Variants in CNTNAP2 observed in about 807,000 individuals in gnomAD.
The protein encoded by CNTNAP2 is contactin associated protein 2.
In CNTNAP2, 98 loss-of-function variants were observed where a neutral mutation model predicts 155.2. The ratio of observed to expected loss-of-function variants is 0.63; its 90% CI spans 0.54 to 0.75. The LOEUF (loss-of-function observed/expected upper bound fraction) is 0.75, where lower values mean the gene tolerates loss of function less well. Ranked by LOEUF, CNTNAP2 falls within the 30% of genes least tolerant of loss-of-function variation. The pLI, the probability that CNTNAP2 is intolerant of heterozygous loss-of-function variation, is 0.00. For missense variants in CNTNAP2, 1,727 were observed against 1,688.1 expected, an observed-to-expected ratio of 1.02 and a Z score of -0.40; for synonymous variants, 651 against 631.2, an observed-to-expected ratio of 1.03 and a Z score of -0.47.
intron 10 of CNTNAP2, among the ~76,000 whole-genome samples, chr7:147,450,764 A>G (rs1405840005): frequency 1.3e-5 from 2 of 152,194 alleles, no homozygotes; most frequent in Non-Finnish European, 2.9e-5. Flanking sequence ...TTCTTATCCT[A>G]CCAAAATTTT....
chr7:146,184,206 A>G (rs1360821226), intron 1 of CNTNAP2, among the ~76,000 whole-genome samples: 1 of 152,214 alleles, frequency 6.6e-6, no homozygotes, highest in Non-Finnish European at 1.5e-5. Context: ...TGCAACTCTC[A>G]TAGTATCTAA....
intron 14 of CNTNAP2, among the ~76,000 whole-genome samples, chr7:147,933,494 GAGATAGATAGAT>G (rs71183037): frequency 0.011 from 1,375 of 120,716 alleles, 11 homozygotes; most frequent in South Asian, 0.046. Context: ...CAGAAAATGT[GAGATAGATAGAT>G]AGATAGATAG....
chr7:148,268,058 TA>T (rs1218446156), intron 21 of CNTNAP2, among the ~76,000 whole-genome samples: 2 of 152,154 alleles, frequency 1.3e-5, no homozygotes, highest in East Asian at 3.9e-4. Context: ...TGTGCAAAGC[TA>T]AAAAATGTAC....
At position 146,957,133 on chromosome 7, in the gene CNTNAP2, C is replaced by T. The variant is rs191861179; in HGVS notation, c.403-86774C>T. On this transcript the variant is annotated intron_variant, in intron 3 of 23. Transcript: ENST00000361727. The stretch of plus-strand genomic sequence containing the variant: ...TTAAACAGACCTAGATGGTATAGCC[C>T]CCTACACACTTAGACTATATGGTAT... Among the ~76,000 whole-genome samples, 365 of 152,094 alleles carry T rather than the reference C, an allele frequency of 2.4e-3. 1 individual carries two copies. Among genetic ancestry groups the T allele is most frequent in the African/African-American group, 8.2e-3 (342 of 41,464 alleles).
At position 146,933,197 on chromosome 7, in the gene CNTNAP2, G is replaced by T. The variant is rs550281662; in HGVS notation, c.402+93293G>T. ...ACCTGACTTCAAAGTATACTATAAG[G>T]CTACAGTAACCAAAACAGCATGGTA... On this transcript the variant is annotated intron_variant, in intron 3 of 23. Coordinates refer to ENST00000361727, the MANE Select transcript of CNTNAP2 (RefSeq NM_014141.6). Among the ~76,000 whole-genome samples, 86 of 151,802 alleles carry T rather than the reference G, an allele frequency of 5.7e-4. 3 individuals are homozygous for T. Among genetic ancestry groups the T allele is most frequent in the African/African-American group, 2.0e-3 (81 of 41,218 alleles).
chr7:146,582,232 T>C (rs910036709), intron 1 of CNTNAP2, among the ~76,000 whole-genome samples: 3 of 152,104 alleles, frequency 2.0e-5, no homozygotes, highest in Admixed American at 2.0e-4. Flanking sequence ...GGCTTTGAGA[T>C]TATATTTTCA....
At chr7:148,204,242 C>T (rs988836129) in intron 18 of CNTNAP2, among the ~76,000 whole-genome samples, 7 of 152,086 alleles carry the variant, frequency 4.6e-5, no homozygotes, top group Middle Eastern at 3.2e-3. Context: ...GGCTTGAGGA[C>T]GGTTTGTGTT....
At chr7:147,415,248 TCCA>T (rs1177669284) in intron 10 of CNTNAP2, among the ~76,000 whole-genome samples, 2 of 152,160 alleles carry the variant, frequency 1.3e-5, no homozygotes, top group African/African-American at 4.8e-5. Flanking sequence ...TGCCCTGCCT[TCCA>T]CTTAATTTGA....
intron 1 of CNTNAP2, among the ~76,000 whole-genome samples, chr7:146,599,986 C>T (rs1798925531): frequency 6.6e-6 from 1 of 151,970 alleles, no homozygotes; most frequent in Non-Finnish European, 1.5e-5. Context: ...ACATGTTTCT[C>T]TGGGGAGTGA....
chr7:146,608,336 A>G (rs189118191), intron 1 of CNTNAP2, among the ~76,000 whole-genome samples: 1 of 152,320 alleles, frequency 6.6e-6, no homozygotes, highest in African/African-American at 2.4e-5. Flanking sequence ...TGTTAATTCA[A>G]TATTTGTTGA....
intron 1 of CNTNAP2, among the ~76,000 whole-genome samples, chr7:146,421,981 C>T (rs917464882): frequency 6.6e-6 from 1 of 151,734 alleles, no homozygotes; most frequent in African/African-American, 2.4e-5. Context: ...TATATTAGCA[C>T]ACAGAAGTCT....
chr7:146,586,761 G>A (rs1798698612), intron 1 of CNTNAP2, among the ~76,000 whole-genome samples: 2 of 152,150 alleles, frequency 1.3e-5, no homozygotes, highest in Admixed American at 1.3e-4. Flanking sequence ...GTTCATATGA[G>A]GAAGGGTTTT....
intron 3 of CNTNAP2, among the ~76,000 whole-genome samples, chr7:146,961,100 G>A (rs976361733): frequency 1.3e-5 from 2 of 152,102 alleles, no homozygotes; most frequent in Admixed American, 6.5e-5. Flanking sequence ...TCAATGATGC[G>A]TGCTTTTCTC....
intron 8 of CNTNAP2, among the ~76,000 whole-genome samples, chr7:147,199,359 T>TC (rs1802876003): frequency 6.6e-6 from 1 of 152,174 alleles, no homozygotes; most frequent in Non-Finnish European, 1.5e-5. Flanking sequence ...AGTATTAAAA[T>TC]TTCACAGCAA....
chr7:147,003,653 G>A (rs1010685281), intron 3 of CNTNAP2, among the ~76,000 whole-genome samples: 17 of 151,954 alleles, frequency 1.1e-4, no homozygotes, highest in African/African-American at 4.1e-4. Context: ...ATACAAGAAT[G>A]CCACAGTAAA....
chr7:148,222,501 T>TGGATCATTCCATGAATCGATGAAA (rs1795765828), intron 19 of CNTNAP2, among the ~76,000 whole-genome samples: 2 of 151,358 alleles, frequency 1.3e-5, no homozygotes, highest in Admixed American at 1.3e-4. Context: ...AATCTATGAA[T>TGGATCATTCCATGAATCGATGAAA]GGATCATTCC....
chr7:147,072,369 A>C (rs569775711), intron 4 of CNTNAP2, among the ~76,000 whole-genome samples: 4 of 152,292 alleles, frequency 2.6e-5, no homozygotes, highest in African/African-American at 9.6e-5. Flanking sequence ...CCACCAAACT[A>C]TCTTAAGCCA....
chr7:148,194,936 G>C (rs1382987071), intron 18 of CNTNAP2, among the ~76,000 whole-genome samples: 3 of 152,042 alleles, frequency 2.0e-5, no homozygotes, highest in Non-Finnish European at 4.4e-5. Flanking sequence ...CCAGTTATCT[G>C]GGCACCCTTA....
chr7:147,240,344 A>G (rs968409875), intron 8 of CNTNAP2, among the ~76,000 whole-genome samples: 32 of 152,236 alleles, frequency 2.1e-4, no homozygotes, highest in African/African-American at 7.7e-4. Context: ...GAAAATGCAT[A>G]GTATTTATTT....
Sources: gnomAD v4.1 joint callset for allele counts (sites outside exome capture counted in the v4.1 genomes callset) on GRCh38, gnomAD v4.1.1 for gene constraint, MANE v1.5 for transcripts, NCBI Gene and HGNC (gene_info 2026-07-23, HGNC 2026-07-21) for gene names.